PDE4D: variants seen among roughly 807,000 people sequenced by gnomAD.
PDE4D encodes the protein phosphodiesterase 4D, also known as 3',5'-cyclic-AMP phosphodiesterase 4D.
A neutral mutation model predicts 87.4 loss-of-function variants in PDE4D; 24 were observed. The observed-to-expected ratio is 0.27, with a 90% CI of 0.20 to 0.39. The LOEUF (loss-of-function observed/expected upper bound fraction) is 0.39, where lower values mean the gene tolerates loss of function less well. Ranked by LOEUF, PDE4D falls within the 10% of genes least tolerant of loss-of-function variation. The pLI is 1.00. For missense variants in PDE4D, 714 were observed against 1,041.0 expected, an observed-to-expected ratio of 0.69 and a Z score of 4.32; for synonymous variants, 384 against 383.2, an observed-to-expected ratio of 1.00 and a Z score of -0.02.
At chr5:59,448,866 C>T (rs1031540940) in intron 1 of PDE4D, among the ~76,000 whole-genome samples, 2 of 152,078 alleles carry the variant, frequency 1.3e-5, no homozygotes, top group African/African-American at 2.4e-5. Flanking sequence ...AACTTCTGGG[C>T]TCAAGTGATC....
intron 1 of PDE4D, among the ~76,000 whole-genome samples, chr5:59,730,298 G>A (rs1467285731): frequency 1.3e-5 from 2 of 152,076 alleles, no homozygotes; most frequent in Non-Finnish European, 2.9e-5. Context: ...CTAAACTGGG[G>A]ACAACCAGGT....
rs1298504922 is a variant in PDE4D at position 59,302,096 on chromosome 5, G to A, written c.456-86128C>T. Among the ~76,000 whole-genome samples, 6 of 152,070 alleles carry A rather than the reference G, an allele frequency of 3.9e-5. No homozygotes were observed. In the East Asian group the frequency reaches 5.8e-4, roughly 15 times the overall value. ...CCTTTGGGGGCACTAGACCAGTAAC[G>A]AAAAATTGTCATGGAGAGCATACAC... is the stretch of plus-strand genomic sequence containing the variant. On this transcript the variant is annotated intron_variant, in intron 1 of 14. Transcript: ENST00000340635.
At chr5:60,422,411 T>A (rs562560261) in intron 1 of PDE4D, among the ~76,000 whole-genome samples, 3 of 151,876 alleles carry the variant, frequency 2.0e-5, no homozygotes, top group African/African-American at 7.2e-5. Context: ...AAGAAAAAAA[T>A]TTTCAACCCA....
intron 6 of PDE4D, among the ~76,000 whole-genome samples, chr5:58,995,951 C>T (rs10071881): frequency 0.1 from 15,348 of 152,112 alleles, 1,039 homozygotes; most frequent in Non-Finnish European, 0.13. Flanking sequence ...TGGAATACTA[C>T]GTAGCCATAA....
At chr5:59,975,934 C>T (rs908787652) in intron 3 of PDE4D, among the ~76,000 whole-genome samples, 34 of 152,126 alleles carry the variant, frequency 2.2e-4, no homozygotes, top group African/African-American at 8.2e-4. Context: ...CATATTTCTC[C>T]ATTTGTCTGC....
intron 2 of PDE4D, among the ~76,000 whole-genome samples, chr5:60,066,693 A>G (rs777847506): frequency 3.3e-5 from 5 of 152,048 alleles, no homozygotes; most frequent in African/African-American, 4.8e-5. Flanking sequence ...CTTTTATTAG[A>G]TGAGTCATCT....
At chr5:59,494,758 C>T (rs2153661777) in intron 1 of PDE4D, among the ~76,000 whole-genome samples, 1 of 152,290 alleles carries the variant, frequency 6.6e-6, no homozygotes, top group South Asian at 2.1e-4. Flanking sequence ...TGCATTAAGA[C>T]TTTGAAACAA....
chr5:59,392,446 T>C (rs2591751), intron 1 of PDE4D, among the ~76,000 whole-genome samples: 30,847 of 150,900 alleles, frequency 0.2, 3,501 homozygotes, highest in African/African-American at 0.28. Context: ...TTGTGGAACG[T>C]TGTGATTACG....
At chr5:60,495,102 A>G (rs1749741817) in intron 1 of PDE4D, among the ~76,000 whole-genome samples, 1 of 152,190 alleles carries the variant, frequency 6.6e-6, no homozygotes, top group African/African-American at 2.4e-5. Context: ...TAACCTTCCC[A>G]CAATACAGAT....
At chr5:58,997,399 AG>A (rs1321953845) in intron 6 of PDE4D, among the ~76,000 whole-genome samples, 2 of 152,164 alleles carry the variant, frequency 1.3e-5, no homozygotes, top group African/African-American at 4.8e-5. Flanking sequence ...ATATTTACTA[AG>A]ATAACTACAT....
chr5:59,393,784 G>T (rs998812986), intron 1 of PDE4D, among the ~76,000 whole-genome samples: 1 of 152,190 alleles, frequency 6.6e-6, no homozygotes, highest in African/African-American at 2.4e-5. Flanking sequence ...AAGGGCAGGT[G>T]CCAGGTACAG....
At chr5:59,140,673 A>G (rs1193318893) in intron 5 of PDE4D, among the ~76,000 whole-genome samples, 6 of 152,222 alleles carry the variant, frequency 3.9e-5, no homozygotes, top group Non-Finnish European at 5.9e-5. Flanking sequence ...TTGTTACTGA[A>G]TATTTTCCAG....
chr5:59,923,577 A>G lies in PDE4D; in HGVS notation c.272+64911T>C, dbSNP rs549816801. 5.9e-5 allele frequency among the ~76,000 whole-genome samples: 9 copies of G among 152,312 alleles called. No individual in the cohort carries two copies. The East Asian group carries it at 1.7e-3, about 29-fold the overall frequency. On this transcript the variant is annotated intron_variant, in intron 3 of 16. Coordinates refer to the PDE4D transcript ENST00000502484. ...AGAGGACAAGAATCTCTGCCTAGTA[A>G]TCCAGAGAATTCTTCTGGATCTTAT...
At chr5:60,110,905 G>A (rs1777607619) in intron 2 of PDE4D, among the ~76,000 whole-genome samples, 1 of 152,090 alleles carries the variant, frequency 6.6e-6, no homozygotes, top group Non-Finnish European at 1.5e-5. Flanking sequence ...GTCAGGCACA[G>A]AAAGATAAAT....
At chr5:59,793,849 G>C (rs777482289) in intron 1 of PDE4D, among the ~76,000 whole-genome samples, 2 of 152,162 alleles carry the variant, frequency 1.3e-5, no homozygotes, top group Non-Finnish European at 1.5e-5. Flanking sequence ...TGGTGACAGA[G>C]AGCAATTGCA....
intron 5 of PDE4D, among the ~76,000 whole-genome samples, chr5:59,158,952 C>G (rs1051792810): frequency 6.6e-6 from 1 of 152,170 alleles, no homozygotes; most frequent in Admixed American, 6.5e-5. Context: ...ATACTGGAAG[C>G]AATCCTAAAG....
At chr5:59,363,368 G>A (rs918247462) in intron 1 of PDE4D, among the ~76,000 whole-genome samples, 20 of 152,174 alleles carry the variant, frequency 1.3e-4, no homozygotes, top group African/African-American at 4.6e-4. Flanking sequence ...CGAAGTTGAA[G>A]TAACTTGCCC....
intron 1 of PDE4D, among the ~76,000 whole-genome samples, chr5:60,445,863 C>T (rs1301576065): frequency 6.6e-6 from 1 of 151,788 alleles, no homozygotes; most frequent in East Asian, 1.9e-4. Flanking sequence ...AAAATATACC[C>T]AAGGGAAAAA....
At chr5:59,834,691 GTAAGGCTTGT>G (rs1741740099) in intron 1 of PDE4D, among the ~76,000 whole-genome samples, 1 of 151,996 alleles carries the variant, frequency 6.6e-6, no homozygotes, top group African/African-American at 2.4e-5. Context: ...TTGTTCCCCA[GTAAGGCTTGT>G]GAAAATCAAA....
Sources: gnomAD v4.1 joint callset for allele counts (sites outside exome capture counted in the v4.1 genomes callset) on GRCh38, gnomAD v4.1.1 for gene constraint, MANE v1.5 for transcripts, NCBI Gene and HGNC (gene_info 2026-07-23, HGNC 2026-07-21) for gene names.